The following CSMD1 variants were observed in gnomAD, a reference collection of about 807,000 sequenced individuals.
The protein encoded by CSMD1 is CUB and sushi domain-containing protein 1.
Under a neutral mutation model 417.5 loss-of-function variants are expected in CSMD1, and 213 were observed. The observed-to-expected ratio is 0.51, with a 90% CI of 0.46 to 0.57. CSMD1 has a LOEUF of 0.57. CSMD1 is among the 20% of genes least tolerant of loss of function. CSMD1 has a pLI of 0.00. For missense variants in CSMD1, 6,923 were observed against 4,529.7 expected, an observed-to-expected ratio of 1.53 and a Z score of -15.17; for synonymous variants, 2,862 against 1,736.8, an observed-to-expected ratio of 1.65 and a Z score of -16.11.
chr8:3,116,354 T>C (rs1816869971), intron 42 of CSMD1, among the ~76,000 whole-genome samples: 1 of 141,990 alleles, frequency 7.0e-6, no homozygotes, highest in Non-Finnish European at 1.5e-5. Flanking sequence ...GAACTTGGCA[T>C]GGATCAGAGA....
chr8:3,195,808 A>C (rs1796674180), intron 33 of CSMD1, among the ~76,000 whole-genome samples: 1 of 152,234 alleles, frequency 6.6e-6, no homozygotes, highest in Non-Finnish European at 1.5e-5. Flanking sequence ...CAACATTTAA[A>C]AGCAAGAATT....
intron 3 of CSMD1, among the ~76,000 whole-genome samples, chr8:4,098,501 G>C (rs1192142621): frequency 6.6e-6 from 1 of 151,930 alleles, no homozygotes; most frequent in East Asian, 1.9e-4. Context: ...TTTAGTTTTA[G>C]GCCAGTTACC....
intron 1 of CSMD1, among the ~76,000 whole-genome samples, chr8:4,692,248 A>G (rs1806815142): frequency 6.6e-6 from 1 of 152,172 alleles, no homozygotes; most frequent in Non-Finnish European, 1.5e-5. Flanking sequence ...AGCCACTCCC[A>G]ACAGTCAAGT....
intron 3 of CSMD1, among the ~76,000 whole-genome samples, chr8:4,138,066 T>G (rs1803542438): frequency 6.4e-5 from 5 of 78,440 alleles, no homozygotes; most frequent in East Asian, 7.5e-4. Context: ...TTTTTTTTTT[T>G]TTTTTTTTTT....
At position 4,098,566 on chromosome 8, in the gene CSMD1, G is replaced by A. The variant is rs933593975; in HGVS notation, c.416-66467C>T. On this transcript the variant is annotated intron_variant, in intron 3 of 69. Coordinates refer to ENST00000635120, the MANE Select transcript of CSMD1 (RefSeq NM_033225.6). ...GAAAGTGGATTCAGTCAGTGGATTC[G>A]GCCTGAAAGATTGGGAACTCAACAC... Among the ~76,000 whole-genome samples, 8 of 152,018 alleles carry A rather than the reference G, an allele frequency of 5.3e-5. No individual in the cohort carries two copies. In the South Asian group the frequency reaches 1.3e-3, roughly 24 times the overall value.
Position 3,958,256 on chromosome 8 carries a change from G to A in CSMD1, c.818+39647C>T, listed in dbSNP as rs75562213. Among the ~76,000 whole-genome samples, 1,011 of 151,070 alleles carry A rather than the reference G, an allele frequency of 6.7e-3. 8 individuals carry two copies. The highest frequency in any genetic ancestry group is 0.024 in the African/African-American group (983 of 41,136). On this transcript the variant is annotated intron_variant, in intron 5 of 69. Coordinates refer to ENST00000635120, the MANE Select transcript of CSMD1 (RefSeq NM_033225.6). ...GATAGACTACGTCTTCCATCGTTTTGTAATATTACAATGTGGTTTTTTGTG... is the reference window on the plus strand; with the variant it reads ...GATAGACTACGTCTTCCATCGTTTTATAATATTACAATGTGGTTTTTTGTG...
At chr8:4,207,322 T>C (rs1221534343) in intron 3 of CSMD1, among the ~76,000 whole-genome samples, 7 of 152,270 alleles carry the variant, frequency 4.6e-5, no homozygotes, top group African/African-American at 1.7e-4. Context: ...TTTTAGTGGC[T>C]AGGACTCGTA....
At chr8:3,754,641 G>A (rs754004193) in intron 5 of CSMD1, among the ~76,000 whole-genome samples, 5 of 152,114 alleles carry the variant, frequency 3.3e-5, no homozygotes, top group Non-Finnish European at 7.4e-5. Context: ...TTTTACTAGA[G>A]ACAAGGTTTT....
intron 3 of CSMD1, among the ~76,000 whole-genome samples, chr8:4,077,018 C>A (rs1049539313): frequency 6.6e-6 from 1 of 152,048 alleles, no homozygotes; most frequent in Non-Finnish European, 1.5e-5. Flanking sequence ...AGAAAAATTG[C>A]AACTCTAGGT....
chr8:3,975,292 A>G (rs1813355971), intron 5 of CSMD1, among the ~76,000 whole-genome samples: 1 of 152,208 alleles, frequency 6.6e-6, no homozygotes, highest in African/African-American at 2.4e-5. Flanking sequence ...TTTATTTTAT[A>G]CCTTTTTTAC....
chr8:4,426,539 T>C (rs946866964), intron 2 of CSMD1, among the ~76,000 whole-genome samples: 2 of 147,562 alleles, frequency 1.4e-5, no homozygotes, highest in Non-Finnish European at 3.0e-5. Context: ...TTATACTGTA[T>C]AATATATAGG....
At chr8:4,726,112 G>C (rs1585004383) in intron 1 of CSMD1, among the ~76,000 whole-genome samples, 2 of 152,082 alleles carry the variant, frequency 1.3e-5, no homozygotes, top group South Asian at 2.1e-4. Context: ...TATAACACAC[G>C]GGGAGGACAA....
intron 1 of CSMD1, among the ~76,000 whole-genome samples, chr8:4,704,544 T>G (rs941774090): frequency 3.3e-5 from 5 of 152,210 alleles, no homozygotes; most frequent in Non-Finnish European, 7.3e-5. Context: ...TATACAGAAA[T>G]TGACTGCTTT....
intron 5 of CSMD1, among the ~76,000 whole-genome samples, chr8:3,993,876 C>T (rs1372678334): frequency 1.3e-5 from 2 of 152,084 alleles, no homozygotes; most frequent in African/African-American, 2.4e-5. Context: ...ATAATGGGAT[C>T]GACAAAAGAT....
In CSMD1 at chr8:3,728,960, G is replaced by T. The variant is rs563545988; in HGVS notation, c.932-20469C>A. On this transcript the variant is annotated intron_variant, in intron 6 of 69. Coordinates refer to ENST00000635120, the MANE Select transcript of CSMD1 (RefSeq NM_033225.6). ...AAAATAATGCAAATGAGTGCCGTTC[G>T]AATATCTGCAGGGCTGAGGTGGTAG... is the stretch of plus-strand genomic sequence containing the variant. 3.7e-3 allele frequency among the ~76,000 whole-genome samples: 557 copies of T among 152,252 alleles called. 8 individuals carry two copies. Among genetic ancestry groups the T allele is most frequent in the Non-Finnish European group, 3.6e-3 (245 of 68,018 alleles).
At chr8:3,514,174 T>C (rs1221700049) in intron 10 of CSMD1, among the ~76,000 whole-genome samples, 3 of 152,194 alleles carry the variant, frequency 2.0e-5, no homozygotes, top group Admixed American at 2.0e-4. Flanking sequence ...CATAGCTTGT[T>C]CCCCAATCCC....
At chr8:4,022,571 G>A (rs183592496) in intron 4 of CSMD1, among the ~76,000 whole-genome samples, 3 of 152,130 alleles carry the variant, frequency 2.0e-5, no homozygotes, top group Admixed American at 2.0e-4. Context: ...TGTGCATTGA[G>A]GGCACGAGTA....
At chr8:3,534,561 C>T (rs940141552) in intron 10 of CSMD1, among the ~76,000 whole-genome samples, 5 of 149,106 alleles carry the variant, frequency 3.4e-5, no homozygotes, top group African/African-American at 1.2e-4. Context: ...AATTAGTGTA[C>T]AATCATTTAC....
chr8:4,905,774 T>C (rs61138287), intron 1 of CSMD1, among the ~76,000 whole-genome samples: 3,786 of 143,292 alleles, frequency 0.026, 165 homozygotes, highest in African/African-American at 0.09. Flanking sequence ...GAGCCGAGAT[T>C]GTGCCACTGC....
Sources: gnomAD v4.1 joint callset for allele counts (sites outside exome capture counted in the v4.1 genomes callset) on GRCh38, gnomAD v4.1.1 for gene constraint, MANE v1.5 for transcripts, NCBI Gene and HGNC (gene_info 2026-07-23, HGNC 2026-07-21) for gene names.